Variants in EPX observed in about 807,000 individuals in gnomAD.
The protein encoded by EPX is eosinophil peroxidase.
EPX carries 60 observed loss-of-function variants against 73.0 expected under a neutral mutation model. The observed-to-expected ratio is 0.82, with a 90% CI of 0.67 to 1.02. The LOEUF (loss-of-function observed/expected upper bound fraction) is 1.02, where lower values mean the gene tolerates loss of function less well. Among genes scored for constraint, EPX ranks in the 50% least tolerant of loss-of-function variants. The pLI is 0.00. For missense variants in EPX, 950 were observed against 973.9 expected (o/e 0.98, Z 0.33); for synonymous variants, 347 against 389.2 (o/e 0.89, Z 1.28).
chr17:58,197,397 C>T (rs1968274413), intron 7 of EPX, 140 bp downstream of exon 7: 3 of 1,011,712 alleles, frequency 3.0e-6, no homozygotes, highest in African/African-American at 1.7e-5. Flanking sequence ...GATCTGTGCA[C>T]AGCCATCATA....
chr17:58,202,145 C>T (rs1021792588), intron 10 of EPX, among the ~76,000 whole-genome samples: 1 of 152,208 alleles, frequency 6.6e-6, no homozygotes, highest in African/African-American at 2.4e-5. Flanking sequence ...CTGAGATATT[C>T]ACCCAATAGT....
Position 58,199,657 on chromosome 17 carries a change from C to G in EPX, c.1400C>G (p.Thr467Ser). The part of the protein sequence containing the change: ...NVDPRVANVF[T>S]LAFRFGHTML... ...GACCCACGGGTGGCCAATGTCTTCA[C>G]CCTGGCCTTCCGCTTTGGCCACACA... The change falls in exon 9 of 13, where the codon ACC becomes AGC. Residue 467 changes from threonine (T) to serine (S), a missense_variant. Coordinates refer to ENST00000225371, the MANE Select transcript of EPX (RefSeq NM_000502.6). 2 of 1,614,120 alleles carry G rather than the reference C, an allele frequency of 1.2e-6. No homozygotes were observed. The highest frequency in any genetic ancestry group is 2.2e-5 in the South Asian group (2 of 91,090).
chr17:58,194,110 G>C lies in EPX; in HGVS notation c.594+18G>C, dbSNP rs1968222391. 1 of 1,612,416 alleles carries C rather than the reference G, an allele frequency of 6.2e-7. No individual in the cohort carries two copies. The highest frequency in any genetic ancestry group is 8.5e-7 in the Non-Finnish European group (1 of 1,179,824). ...TCCCTCTTGTGAGTTGGGGCTGAGG[G>C]TTTGGGAGGTTGCTTGATCTCTTAA... On this transcript the variant is annotated intron_variant, in intron 5 of 12. Transcript: ENST00000225371.
In EPX at chr17:58,204,952, C is replaced by G. The variant is rs549529445; in HGVS notation, c.*228C>G. The G allele has an allele frequency of 6.0e-6, 1 of 166,648 alleles. No homozygotes were observed. Among genetic ancestry groups the G allele is most frequent in the African/African-American group, 2.4e-5 (1 of 41,604 alleles). The allele number at this position is 166,648 out of a possible 1,614,324, so 10.3% of individuals were successfully genotyped here. On this transcript the variant is annotated 3_prime_UTR_variant, in exon 13 of 13. Transcript: ENST00000225371. ...GGTATTAGGCTATGAATCAGCGCCA[C>G]GTGCAAAGGCTTGGGAGCCAAGCCA...
chr17:58,193,652 G>T (rs1968210308), intron 3 of EPX, 62 bp from the exon 4 acceptor site: 4 of 1,544,004 alleles, frequency 2.6e-6, no homozygotes, highest in Non-Finnish European at 3.6e-6. Flanking sequence ...GGAGGAGAGA[G>T]GGTAAAGGGA....
intron 11 of EPX, among the ~76,000 whole-genome samples, chr17:58,203,572 G>A (rs967652254): frequency 6.6e-6 from 1 of 152,122 alleles, no homozygotes; most frequent in Admixed American, 6.5e-5. Context: ...ACTATTCTGG[G>A]TTGGTGGATC....
At chr17:58,204,517 T>A in intron 12 of EPX, 83 bp downstream of exon 12, 1 of 817,736 alleles carries the variant, frequency 1.2e-6, no homozygotes, top group Non-Finnish European at 2.1e-6. Flanking sequence ...TCCTCTTAGG[T>A]CTCTAAGCAG....
intron 8 of EPX, 106 bp from the exon 9 acceptor site, chr17:58,199,433 A>T: frequency 1.5e-6 from 2 of 1,341,422 alleles, no homozygotes; most frequent in Non-Finnish European, 1.1e-6. Flanking sequence ...TAATGTTGTC[A>T]CATTTGACGT....
chr17:58,198,995 T>A, intron 7 of EPX, 45 bp from the exon 8 acceptor site: 1 of 1,606,490 alleles, frequency 6.2e-7, no homozygotes, highest in South Asian at 1.1e-5. Flanking sequence ...AGAAAGACAT[T>A]TCTCTGGGAA....
chr17:58,204,858 T>G lies in EPX; in HGVS notation c.*134T>G. ...CTGCTGGCTACAGCTCAGAGCTGGG[T>G]TCCCCAGCCAGGAGTGAAGGCTGGG... On this transcript the variant is annotated 3_prime_UTR_variant, in exon 13 of 13. Coordinates refer to ENST00000225371, the MANE Select transcript of EPX (RefSeq NM_000502.6). The G allele has an allele frequency of 4.8e-6, 1 of 207,776 alleles. No homozygotes were observed. The highest frequency in any genetic ancestry group is 5.2e-5 in the Admixed American group (1 of 19,054). The allele number at this position is 207,776 out of a possible 1,614,324, so 12.9% of individuals were successfully genotyped here.
rs34607215 is a variant in EPX at position 58,197,190 on chromosome 17, C to T, written c.1053C>T (p.Phe351=). The change falls in exon 7 of 13, where the codon TTC becomes TTT. Residue 351 remains phenylalanine, a synonymous_variant. Transcript: ENST00000225371. ...FQDNGRALLP[F]DNLHDDPCLL... ...ACAACGGCCGGGCCCTGCTGCCCTT[C>T]GACAACCTGCACGATGACCCCTGTC... 3,324 of 1,613,806 alleles carry T rather than the reference C, an allele frequency of 2.1e-3. 70 individuals carry two copies. In the African/African-American group the frequency reaches 0.037, roughly 18 times the overall value.
intron 9 of EPX, 106 bp from the exon 10 acceptor site, chr17:58,200,119 A>C (rs1597968315): frequency 1.2e-5 from 13 of 1,082,346 alleles, no homozygotes; most frequent in Non-Finnish European, 1.8e-5. Context: ...TTACTAACAT[A>C]CCCGACTGGC....
At chr17:58,201,929 C>A (rs1968347924) in intron 10 of EPX, among the ~76,000 whole-genome samples, 2 of 152,194 alleles carry the variant, frequency 1.3e-5, no homozygotes, top group African/African-American at 4.8e-5. Context: ...TACCTGTGCC[C>A]TCCAGAAATA....
rs547103762 is a variant in EPX, at chr17:58,193,550, C to G, written c.346+4C>G. 1.9e-6 allele frequency: 3 copies of G among 1,613,894 alleles called. No homozygotes were observed. The highest frequency in any genetic ancestry group is 1.7e-6 in the Non-Finnish European group (2 of 1,179,842). On this transcript the variant is annotated splice_donor_region_variant and intron_variant, in intron 3 of 12. Transcript: ENST00000225371. ...TCCGGACCCTTCAATGTCACTGGTA[C>G]TCTGATCCCCACTGAGCCCGCTGGG...
chr17:58,201,214 G>A (rs2143717144), intron 10 of EPX, among the ~76,000 whole-genome samples: 1 of 152,302 alleles, frequency 6.6e-6, no homozygotes, highest in South Asian at 2.1e-4. Flanking sequence ...ATGAAGCAGT[G>A]GTGGCACCTC....
Position 58,195,142 on chromosome 17 carries a change from C to T in EPX, c.773C>T (p.Ala258Val). The change falls in exon 6 of 13, where the codon GCC becomes GTC. Residue 258 changes from alanine (A) to valine (V), a missense_variant. Transcript: ENST00000225371. ...TAGVDCERTCAQLPPCFPIKI... is the reference protein window; with the variant it reads ...TAGVDCERTCVQLPPCFPIKI... ...GGCGTTGACTGTGAGAGGACCTGCGCCCAGCTGCCCCCCTGCTTTCCCATC... is the reference window on the plus strand; with the variant it reads ...GGCGTTGACTGTGAGAGGACCTGCGTCCAGCTGCCCCCCTGCTTTCCCATC... 1 of 1,613,924 alleles carries T rather than the reference C, an allele frequency of 6.2e-7. No individual in the cohort carries two copies. Among genetic ancestry groups the T allele is most frequent in the Non-Finnish European group, 8.5e-7 (1 of 1,179,842 alleles).
intron 11 of EPX, 53 bp downstream of exon 11, chr17:58,203,371 A>G: frequency 2.6e-6 from 3 of 1,172,196 alleles, no homozygotes; most frequent in Non-Finnish European, 3.9e-6. Context: ...GCAGAAAAAC[A>G]CTAGCATTTC....
rs1053874974 is a variant in EPX, at chr17:58,204,415, G to A, written c.2140G>A (p.Gly714Arg). 2 of 1,613,612 alleles carry A rather than the reference G, an allele frequency of 1.2e-6. No homozygotes were observed. Among genetic ancestry groups the A allele is most frequent in the Admixed American group, 3.3e-5 (2 of 60,026 alleles). The part of the protein sequence containing the change: ...IPRLNLSAWR[G>R]T ...CAGGTTGAACCTATCAGCCTGGCGA[G>A]GGACATGAGGCTTCTGCAGGTAAGG... Residue 714 changes from glycine (G) to arginine (R), a missense_variant, in exon 12 of 13, where the codon GGG (glycine) becomes AGG (arginine). Transcript: ENST00000225371.
intron 12 of EPX, 147 bp from the exon 13 acceptor site, chr17:58,204,589 G>C (rs1968402839): frequency 1.6e-6 from 1 of 613,832 alleles, no homozygotes; most frequent in Non-Finnish European, 2.9e-6. Context: ...CTAGTTTCTG[G>C]GCTGACAGTC....
Sources: gnomAD v4.1 joint callset for allele counts (sites outside exome capture counted in the v4.1 genomes callset) on GRCh38, gnomAD v4.1.1 for gene constraint, MANE v1.5 for transcripts, NCBI Gene and HGNC (gene_info 2026-07-23, HGNC 2026-07-21) for gene names.